The following CCDC171 variants were observed in gnomAD, a reference collection of about 807,000 sequenced individuals.
The protein encoded by CCDC171 is coiled-coil domain containing 171, also known as coiled-coil domain-containing protein 171.
In CCDC171, 177 loss-of-function variants were observed where a neutral mutation model predicts 168.2. The observed-to-expected ratio is 1.05, with a 90% CI of 0.93 to 1.19. CCDC171 has a LOEUF of 1.19. Among genes scored for constraint, CCDC171 ranks in the 50% most tolerant of loss-of-function variants. CCDC171 has a pLI of 0.00. For synonymous variants in CCDC171, 687 were observed against 540.8 expected (o/e 1.27, Z -3.75); for missense variants, 1,991 against 1,539.0 (o/e 1.29, Z -4.91).
chr9:15,560,228 G>A (rs946999657), intron 1 of CCDC171, among the ~76,000 whole-genome samples: 1 of 152,060 alleles, frequency 6.6e-6, no homozygotes, highest in Non-Finnish European at 1.5e-5. Flanking sequence ...TTCTTGTGGA[G>A]TATCTTTGTG....
intron 25 of CCDC171, among the ~76,000 whole-genome samples, chr9:15,966,379 A>T (rs532882822): frequency 1.3e-5 from 2 of 152,344 alleles, no homozygotes; most frequent in East Asian, 3.9e-4. Flanking sequence ...TGGCTTGCAC[A>T]GTACAAGTGA....
At chr9:16,068,870 C>A in the CCDC171 span, among the ~76,000 whole-genome samples, 1 of 152,132 alleles carries the variant, frequency 6.6e-6, no homozygotes, top group Non-Finnish European at 1.5e-5. Context: ...CAGACAGGGT[C>A]TCAAAGTCTG....
chr9:15,738,447 C>T (rs751846384), intron 16 of CCDC171, among the ~76,000 whole-genome samples: 9 of 152,012 alleles, frequency 5.9e-5, no homozygotes, highest in Non-Finnish European at 1.2e-4. Flanking sequence ...TTTTTTTCTT[C>T]ATGATCGGAA....
rs533319820 is a variant in CCDC171 at position 15,645,069 on chromosome 9, A to C, written c.823-12058A>C. On this transcript the variant is annotated intron_variant, in intron 7 of 25. Transcript: ENST00000380701. ...CTTCCAGAGGAACGATCAGGCAGCAACATTGGCTGTTCAGCAATATTTGCT... is the reference window on the plus strand; with the variant it reads ...CTTCCAGAGGAACGATCAGGCAGCACCATTGGCTGTTCAGCAATATTTGCT... 2.2e-4 allele frequency among the ~76,000 whole-genome samples: 34 copies of C among 152,352 alleles called. No individual in the cohort carries two copies. In the East Asian group the frequency reaches 6.0e-3, roughly 27 times the overall value.
At chr9:15,712,196 A>C (rs945062648) in intron 11 of CCDC171, among the ~76,000 whole-genome samples, 2 of 152,214 alleles carry the variant, frequency 1.3e-5, no homozygotes, top group Non-Finnish European at 2.9e-5. Context: ...TAGGGAGGGC[A>C]ATCTGCCAAT....
rs759506850 is a variant in CCDC171 at position 15,727,994 on chromosome 9, T to C, written c.1818T>C (p.Asn606=). Residue 606 remains asparagine, a synonymous_variant, in exon 15 of 26, where the codon AAT becomes AAC. Transcript: ENST00000380701. ...WSELCAVLQE[N]VDALIADLNR... Reference sequence around the variant, plus strand: ...AGCTTTGTGCAGTCTTACAGGAGAATGTTGATGCCCTGATTGCAGACCTCA... The same window carrying C: ...AGCTTTGTGCAGTCTTACAGGAGAACGTTGATGCCCTGATTGCAGACCTCA... 6.2e-7 allele frequency: 1 copy of C among 1,613,162 alleles called. No individual in the cohort carries two copies. The highest frequency in any genetic ancestry group is 8.5e-7 in the Non-Finnish European group (1 of 1,179,468).
At chr9:15,576,484 G>T (rs2040675934) in intron 3 of CCDC171, among the ~76,000 whole-genome samples, 1 of 152,018 alleles carries the variant, frequency 6.6e-6, no homozygotes, top group Non-Finnish European at 1.5e-5. Context: ...CACCGCACCT[G>T]GCCAGCATTT....
At chr9:15,831,909 G>T (rs1229392485) in intron 21 of CCDC171, among the ~76,000 whole-genome samples, 3 of 151,976 alleles carry the variant, frequency 2.0e-5, no homozygotes, top group African/African-American at 4.8e-5. Flanking sequence ...CTTTGGTTTT[G>T]TTGCAATATT....
At chr9:15,780,019 G>T (rs574003732) in intron 20 of CCDC171, among the ~76,000 whole-genome samples, 1 of 152,282 alleles carries the variant, frequency 6.6e-6, no homozygotes, top group East Asian at 1.9e-4. Flanking sequence ...CAGTTTAAAT[G>T]TGCTTTTATC....
chr9:15,796,639 C>G (rs2058569882), intron 21 of CCDC171, among the ~76,000 whole-genome samples: 1 of 152,216 alleles, frequency 6.6e-6, no homozygotes, highest in Non-Finnish European at 1.5e-5. Flanking sequence ...CCCTGCTCAA[C>G]CCTGCGGTTG....
intron 6 of CCDC171, among the ~76,000 whole-genome samples, chr9:15,605,409 G>T (rs890134664): frequency 6.6e-6 from 1 of 151,468 alleles, no homozygotes; most frequent in South Asian, 2.1e-4. Flanking sequence ...GCCGGGCAGA[G>T]TGGCTCATGC....
intron 23 of CCDC171, among the ~76,000 whole-genome samples, chr9:15,870,569 TA>T (rs1489335996): frequency 1.3e-5 from 2 of 151,864 alleles, no homozygotes; most frequent in African/African-American, 4.8e-5. Context: ...CATGTGTTTT[TA>T]AGTCAACCTC....
rs759344083 is a variant in CCDC171, at chr9:15,557,503, A to G, written c.-112+4201A>G. Among the ~76,000 whole-genome samples, 5 of 152,078 alleles carry G rather than the reference A, an allele frequency of 3.3e-5. 1 individual carries two copies. The highest frequency in any genetic ancestry group is 6.6e-5 in the Admixed American group (1 of 15,264). On this transcript the variant is annotated intron_variant, in intron 1 of 25. Coordinates refer to ENST00000380701, the MANE Select transcript of CCDC171 (RefSeq NM_173550.4). ...TAGGTATTTTACTCTCTTTGTAGCAATTGGGAATGGGAATTCACTCATGAT... is the reference window on the plus strand; with the variant it reads ...TAGGTATTTTACTCTCTTTGTAGCAGTTGGGAATGGGAATTCACTCATGAT...
At chr9:15,760,278 T>G (rs2056372811) in intron 18 of CCDC171, among the ~76,000 whole-genome samples, 1 of 152,194 alleles carries the variant, frequency 6.6e-6, no homozygotes, top group Non-Finnish European at 1.5e-5. Flanking sequence ...GTATGGCTTT[T>G]CATATTATCT....
chr9:15,933,121 G>A (rs1329538887), intron 25 of CCDC171, among the ~76,000 whole-genome samples: 1 of 151,872 alleles, frequency 6.6e-6, no homozygotes, highest in African/African-American at 2.4e-5. Flanking sequence ...GAATTTAAAA[G>A]TATTTTCTCC....
chr9:15,903,733 T>C (rs1464598808), intron 24 of CCDC171, among the ~76,000 whole-genome samples: 1 of 152,156 alleles, frequency 6.6e-6, no homozygotes, highest in Non-Finnish European at 1.5e-5. Flanking sequence ...TACTCCGAGC[T>C]AAAGGAGGAA....
upstream of CCDC171, among the ~76,000 whole-genome samples, chr9:16,039,684 A>G (rs1833540855): frequency 6.6e-6 from 1 of 152,176 alleles, no homozygotes; most frequent in African/African-American, 2.4e-5. Flanking sequence ...CCCATGGGAA[A>G]GGCAAGCAGC....
At chr9:15,592,211 T>G (rs2042053733) in intron 5 of CCDC171, among the ~76,000 whole-genome samples, 2 of 151,706 alleles carry the variant, frequency 1.3e-5, no homozygotes, top group South Asian at 4.2e-4. Context: ...GGCCTGTAGT[T>G]CCAGCTAGTA....
At chr9:16,088,131 A>G in the CCDC171 span, among the ~76,000 whole-genome samples, 1 of 152,236 alleles carries the variant, frequency 6.6e-6, no homozygotes, top group East Asian at 1.9e-4. Flanking sequence ...CCACATGATT[A>G]TCTCAATAGA....
Sources: gnomAD v4.1 joint callset for allele counts (sites outside exome capture counted in the v4.1 genomes callset) on GRCh38, gnomAD v4.1.1 for gene constraint, MANE v1.5 for transcripts, NCBI Gene and HGNC (gene_info 2026-07-23, HGNC 2026-07-21) for gene names.